Variants in STXBP6 observed in about 807,000 individuals in gnomAD.
The protein encoded by STXBP6 is syntaxin binding protein 6.
In STXBP6, 21 loss-of-function variants were observed where a neutral mutation model predicts 26.9. The ratio of observed to expected loss-of-function variants is 0.78; its 90% confidence interval spans 0.55 to 1.12. The LOEUF is 1.12. STXBP6 is among the 50% of genes most tolerant of loss of function. The pLI, the probability that STXBP6 is intolerant of heterozygous loss-of-function variation, is 0.00. For missense variants in STXBP6, 232 were observed against 257.9 expected (o/e 0.90, Z 0.69); for synonymous variants, 97 against 92.6 (o/e 1.05, Z -0.27).
intron 2 of STXBP6, among the ~76,000 whole-genome samples, chr14:24,954,717 G>A (rs1264238352): frequency 6.6e-6 from 1 of 152,212 alleles, no homozygotes; most frequent in East Asian, 1.9e-4. Context: ...TATAAAGTGA[G>A]GCTGACATAA....
At chr14:24,834,417 G>C (rs1213837751) in intron 4 of STXBP6, among the ~76,000 whole-genome samples, 1 of 152,148 alleles carries the variant, frequency 6.6e-6, no homozygotes, top group African/African-American at 2.4e-5. Flanking sequence ...CCACTCATTG[G>C]GTTTTCAATT....
At chr14:24,876,189 C>T (rs917886067) in intron 2 of STXBP6, among the ~76,000 whole-genome samples, 7 of 152,050 alleles carry the variant, frequency 4.6e-5, no homozygotes, top group Admixed American at 2.6e-4. Flanking sequence ...CCCTACTAAC[C>T]GGGAAGGCCT....
Position 24,939,544 on chromosome 14 carries a change from C to T in STXBP6, c.154+35121G>A, listed in dbSNP as rs542776669. Among the ~76,000 whole-genome samples, 70 of 151,684 alleles carry T rather than the reference C, an allele frequency of 4.6e-4. 1 individual carries two copies. The highest frequency in any genetic ancestry group is 1.6e-3 in the African/African-American group (65 of 41,344). On this transcript the variant is annotated intron_variant, in intron 2 of 5. Transcript: ENST00000323944. ...GAACTTTCTGCTATTCTGCCTATGG[C>T]GATGGCCATTACCTCTAAATGAAAG...
chr14:24,848,016 T>C (rs1236871652), intron 4 of STXBP6, among the ~76,000 whole-genome samples: 2 of 152,114 alleles, frequency 1.3e-5, no homozygotes, highest in East Asian at 3.8e-4. Flanking sequence ...AAGAAATTCT[T>C]TTCCCCCCAA....
intron 4 of STXBP6, among the ~76,000 whole-genome samples, chr14:24,852,169 C>A (rs2069179022): frequency 6.6e-6 from 1 of 152,126 alleles, no homozygotes; most frequent in Non-Finnish European, 1.5e-5. Flanking sequence ...CTAACTCAGA[C>A]TAGATGGTGC....
At chr14:24,899,803 A>AAGC (rs2071143552) in intron 2 of STXBP6, among the ~76,000 whole-genome samples, 1,657 of 79,724 alleles carry the variant, frequency 0.021, 9 homozygotes, top group Non-Finnish European at 0.023. Context: ...AAAAAAAGCA[A>AAGC]AAAAAAAAAA....
At chr14:24,840,507 A>G (rs2068753817) in intron 4 of STXBP6, among the ~76,000 whole-genome samples, 1 of 152,186 alleles carries the variant, frequency 6.6e-6, no homozygotes, top group Non-Finnish European at 1.5e-5. Flanking sequence ...ATTTGGGCCC[A>G]TTACTCCCAG....
At chr14:24,960,562 T>C (rs956409949) in intron 2 of STXBP6, among the ~76,000 whole-genome samples, 2 of 152,208 alleles carry the variant, frequency 1.3e-5, no homozygotes, top group African/African-American at 2.4e-5. Flanking sequence ...GATCAGGCAG[T>C]GTATCACATT....
chr14:25,048,466 T>C (rs1292319216), intron 1 of STXBP6, among the ~76,000 whole-genome samples: 1 of 152,156 alleles, frequency 6.6e-6, no homozygotes, highest in Non-Finnish European at 1.5e-5. Context: ...CATTATGTGA[T>C]TCGCACATCT....
intron 2 of STXBP6, among the ~76,000 whole-genome samples, chr14:24,901,710 A>G (rs990161089): frequency 4.6e-5 from 7 of 151,808 alleles, no homozygotes; most frequent in African/African-American, 1.7e-4. Flanking sequence ...ATGAAACAAT[A>G]TGGATGAGTC....
intron 1 of STXBP6, among the ~76,000 whole-genome samples, chr14:25,008,547 C>A (rs895093646): frequency 2.0e-5 from 3 of 152,210 alleles, no homozygotes; most frequent in Non-Finnish European, 4.4e-5. Flanking sequence ...TAAAGACTCA[C>A]TGAATGTTAT....
intron 1 of STXBP6, among the ~76,000 whole-genome samples, chr14:24,982,885 C>G (rs2074235103): frequency 1.3e-5 from 2 of 152,110 alleles, no homozygotes; most frequent in South Asian, 4.1e-4. Context: ...AATGATATGA[C>G]AAAGCCAAAA....
chr14:24,997,143 A>G (rs1435879377), intron 1 of STXBP6, among the ~76,000 whole-genome samples: 2 of 152,108 alleles, frequency 1.3e-5, no homozygotes, highest in Non-Finnish European at 2.9e-5. Context: ...GGAAGGGGCA[A>G]TTTCCTGACT....
At chr14:24,920,548 CTAGAGATTCCCCTTT>C (rs2071943224) in intron 2 of STXBP6, among the ~76,000 whole-genome samples, 1 of 152,016 alleles carries the variant, frequency 6.6e-6, no homozygotes, top group South Asian at 2.1e-4. Flanking sequence ...GCGCACATTT[CTAGAGATTCCCCTTT>C]TATTTGTTTT....
At chr14:24,931,123 A>AAAAAAAAAAAAC in intron 2 of STXBP6, among the ~76,000 whole-genome samples, 1 of 133,970 alleles carries the variant, frequency 7.5e-6, no homozygotes, top group African/African-American at 2.9e-5. Context: ...GTCTCAAAAA[A>AAAAAAAAAAAAC]AAAAAAAAAA....
intron 1 of STXBP6, among the ~76,000 whole-genome samples, chr14:25,017,563 G>C (rs1188776581): frequency 3.9e-5 from 6 of 152,192 alleles, no homozygotes; most frequent in African/African-American, 1.4e-4. Flanking sequence ...TATAAGGTAA[G>C]GATGCAATGT....
chr14:24,999,930 A>C (rs2074711542), intron 1 of STXBP6, among the ~76,000 whole-genome samples: 1 of 152,242 alleles, frequency 6.6e-6, no homozygotes, highest in Admixed American at 6.5e-5. Flanking sequence ...TGATTTAGCT[A>C]TTTGGACAAA....
chr14:24,912,339 T>C (rs1208119398), intron 2 of STXBP6, among the ~76,000 whole-genome samples: 1 of 149,722 alleles, frequency 6.7e-6, no homozygotes, highest in Non-Finnish European at 1.5e-5. Context: ...AGTTAAAATA[T>C]AAAAGGTATC....
At chr14:24,920,975 T>C (rs2071957161) in intron 2 of STXBP6, among the ~76,000 whole-genome samples, 1 of 152,134 alleles carries the variant, frequency 6.6e-6, no homozygotes, top group South Asian at 2.1e-4. Context: ...GATGTATTGC[T>C]GACTACACAG....
Sources: gnomAD v4.1 joint callset for allele counts (sites outside exome capture counted in the v4.1 genomes callset) on GRCh38, gnomAD v4.1.1 for gene constraint, MANE v1.5 for transcripts, NCBI Gene and HGNC (gene_info 2026-07-23, HGNC 2026-07-21) for gene names.